Variants in KNL1 observed in about 807,000 individuals in gnomAD.
KNL1 encodes kinetochore scaffold 1.
A neutral mutation model predicts 201.3 loss-of-function variants in KNL1; 66 were observed. The ratio of observed to expected loss-of-function variants is 0.33; its 90% CI spans 0.27 to 0.40. The LOEUF is 0.40. Among genes scored for constraint, KNL1 ranks in the 10% least tolerant of loss-of-function variants. The pLI, the probability that KNL1 is intolerant of heterozygous loss-of-function variation, is 1.00. For synonymous variants in KNL1, 895 were observed against 899.2 expected (o/e 1.00, Z 0.08); for missense variants, 2,815 against 2,690.5 (o/e 1.05, Z -1.02).
At chr15:40,609,033 A>T in intron 5 of KNL1, 125 bp downstream of exon 5, 1 of 625,770 alleles carries the variant, frequency 1.6e-6, no homozygotes, top group South Asian at 1.9e-5. Flanking sequence ...TCAAAGGGTT[A>T]TTCAGTATTA....
intron 22 of KNL1, 121 bp downstream of exon 22, chr15:40,655,098 G>C (rs1272096862): frequency 1.0e-5 from 7 of 668,982 alleles, no homozygotes; most frequent in Non-Finnish European, 1.8e-5. Context: ...AGGAGTTTGA[G>C]ACCAGCCTGA....
intron 24 of KNL1, 121 bp downstream of exon 24, chr15:40,657,594 C>A: frequency 1.6e-6 from 1 of 608,716 alleles, no homozygotes; most frequent in Non-Finnish European, 3.0e-6. Flanking sequence ...TTTCTGAGGG[C>A]TGTTAGAATC....
intron 4 of KNL1, 44 bp from the exon 5 acceptor site, chr15:40,608,803 C>T (rs1456578462): frequency 7.5e-7 from 1 of 1,335,814 alleles, no homozygotes; most frequent in Non-Finnish European, 1.1e-6. Flanking sequence ...ATGTAATTCA[C>T]AGTGATTTTA....
intron 9 of KNL1, among the ~76,000 whole-genome samples, chr15:40,619,585 G>A (rs1490623971): frequency 6.6e-6 from 1 of 151,406 alleles, no homozygotes; most frequent in Non-Finnish European, 1.5e-5. Context: ...TCATTTTTTT[G>A]TAGAGACAAG....
chr15:40,623,674 A>G lies in KNL1; in HGVS notation c.3410A>G (p.Glu1137Gly), dbSNP rs1047992561. The G allele has an allele frequency of 1.5e-5, 25 of 1,613,816 alleles. No homozygotes were observed. The highest frequency in any genetic ancestry group is 2.1e-5 in the Non-Finnish European group (25 of 1,179,894). The change falls in exon 10 of 26, where the codon GAA (glutamate) becomes GGA (glycine). Residue 1137 changes from glutamate (E) to glycine (G), a missense_variant. Glu to Gly is a moderately conservative substitution (Grantham distance 98). Coordinates refer to ENST00000399668, the MANE Select transcript of KNL1 (RefSeq NM_144508.5). ...ACTAGGAGTCACACAACTGCCTTAGAATGTAAAACTCTCCTGCCAAATGAA... is the reference window on the plus strand; with the variant it reads ...ACTAGGAGTCACACAACTGCCTTAGGATGTAAAACTCTCCTGCCAAATGAA... ...EITRSHTTAL[E>G]CKTLLPNEIA...
chr15:40,662,527 G>A lies in KNL1; in HGVS notation c.*339G>A. Reference sequence around the variant, plus strand: ...GTATAAGAAGTGTTATCACTGACAAGAACATTAGCCATTTTCCCATAACTA... The same window carrying A: ...GTATAAGAAGTGTTATCACTGACAAAAACATTAGCCATTTTCCCATAACTA... On this transcript the variant is annotated 3_prime_UTR_variant, in exon 26 of 26. Coordinates refer to ENST00000399668, the MANE Select transcript of KNL1 (RefSeq NM_144508.5). 4.2e-6 allele frequency: 1 copy of A among 237,524 alleles called. No individual in the cohort carries two copies. Among genetic ancestry groups the A allele is most frequent in the Non-Finnish European group, 8.2e-6 (1 of 121,796 alleles). The allele number at this position is 237,524 out of a possible 1,614,324, so 14.7% of individuals were successfully genotyped here. A position where few individuals can be genotyped will look rare whatever the true frequency, so the allele number is the denominator to read the frequency against.
In KNL1 at chr15:40,659,364, G is replaced by C; in HGVS notation, c.6739G>C (p.Ala2247Pro). Reference protein sequence around the residue: ...NELRLLFSSSAAFAKFEITLF... With the variant: ...NELRLLFSSSPAFAKFEITLF... ...ATTGAGACTTTTATTCTCTAGCTCC[G>C]CAGCATTTGCAAAGTTTGAAATAAC... The change falls in exon 25 of 26, where the codon GCA becomes CCA. Residue 2247 changes from alanine to proline, a missense_variant. This residue lies in a region of KNL1 where 334 missense variants were observed against 362.6 expected (regional missense o/e 0.92). Coordinates refer to ENST00000399668, the MANE Select transcript of KNL1 (RefSeq NM_144508.5). 1 of 1,612,490 alleles carries C rather than the reference G, an allele frequency of 6.2e-7. No individual in the cohort carries two copies. The highest frequency in any genetic ancestry group is 8.5e-7 in the Non-Finnish European group (1 of 1,178,738).
chr15:40,645,176 G>A (rs1399429675), intron 15 of KNL1, 89 bp downstream of exon 15: 9 of 839,298 alleles, frequency 1.1e-5, no homozygotes, highest in Non-Finnish European at 1.7e-5. Flanking sequence ...CTTGGTCATA[G>A]TGATGAGTTA....
At chr15:40,599,630 G>T (rs1426653377) in intron 1 of KNL1, among the ~76,000 whole-genome samples, 1 of 151,864 alleles carries the variant, frequency 6.6e-6, no homozygotes, top group Non-Finnish European at 1.5e-5. Flanking sequence ...TGATCAGCCT[G>T]CCTCGGCTGC....
intron 16 of KNL1, among the ~76,000 whole-genome samples, chr15:40,646,177 T>G (rs1893377646): frequency 6.6e-6 from 1 of 152,194 alleles, no homozygotes; most frequent in African/African-American, 2.4e-5. Flanking sequence ...TAAAAAAACT[T>G]TCCATTGGCA....
At chr15:40,609,128 C>T (rs760204086) in intron 5 of KNL1, among the ~76,000 whole-genome samples, 9 of 151,772 alleles carry the variant, frequency 5.9e-5, no homozygotes, top group Non-Finnish European at 1.3e-4. Flanking sequence ...GTACTAGGGG[C>T]CGGGTGTGCT....
At chr15:40,608,594 A>G (rs1892051991) in intron 4 of KNL1, among the ~76,000 whole-genome samples, 1 of 151,806 alleles carries the variant, frequency 6.6e-6, no homozygotes, top group Non-Finnish European at 1.5e-5. Context: ...AAAAATACAG[A>G]ATTAGTTGGT....
intron 7 of KNL1, among the ~76,000 whole-genome samples, chr15:40,614,272 A>AT (rs1174044364): frequency 6.6e-6 from 1 of 151,358 alleles, no homozygotes; most frequent in African/African-American, 2.4e-5. Flanking sequence ...CAATTTTTGT[A>AT]TTTTTAGTAG....
rs1424112897 is a variant in KNL1, at chr15:40,664,170, A to G, written c.*1982A>G. ...TCTAAAAAAGATTTGGCTTGTAATG[A>G]CGGTCTCTGCTTTTTTGGGTTTGGA... On this transcript the variant is annotated 3_prime_UTR_variant, in exon 26 of 26. Coordinates refer to ENST00000399668, the MANE Select transcript of KNL1 (RefSeq NM_144508.5). The G allele has an allele frequency of 5.5e-6, 1 of 182,656 alleles. No homozygotes were observed. Among genetic ancestry groups the G allele is most frequent in the Non-Finnish European group, 1.2e-5 (1 of 85,840 alleles). 11.3% of individuals were successfully genotyped at this position (182,656 alleles called of 1,614,324 possible).
intron 7 of KNL1, among the ~76,000 whole-genome samples, chr15:40,613,027 C>T (rs1003394901): frequency 1.4e-4 from 22 of 152,222 alleles, no homozygotes; most frequent in African/African-American, 5.1e-4. Context: ...TTATTCACAG[C>T]AGCGTTTATT....
intron 13 of KNL1, among the ~76,000 whole-genome samples, chr15:40,634,838 G>A (rs1028381306): frequency 2.6e-5 from 4 of 152,180 alleles, no homozygotes; most frequent in Admixed American, 2.6e-4. Context: ...ACAAATTGAT[G>A]TTATGAATCT....
intron 4 of KNL1, among the ~76,000 whole-genome samples, chr15:40,608,066 A>C (rs759229665): frequency 1.3e-4 from 20 of 152,224 alleles, no homozygotes; most frequent in Non-Finnish European, 2.6e-4. Flanking sequence ...TTGATGGATG[A>C]ATGGATAAAC....
intron 8 of KNL1, among the ~76,000 whole-genome samples, chr15:40,616,889 A>T (rs1892360707): frequency 1.3e-5 from 2 of 152,164 alleles, no homozygotes; most frequent in African/African-American, 4.8e-5. Flanking sequence ...CCCATGATGA[A>T]TTATTTGCAG....
At chr15:40,634,067 GTGTT>G (rs1892988633) in intron 13 of KNL1, among the ~76,000 whole-genome samples, 1 of 152,034 alleles carries the variant, frequency 6.6e-6, no homozygotes, top group Non-Finnish European at 1.5e-5. Flanking sequence ...GCTAATGTGT[GTGTT>G]TGTATTTTAG....
Sources: gnomAD v4.1 joint callset for allele counts (sites outside exome capture counted in the v4.1 genomes callset) on GRCh38, gnomAD v4.1.1 for gene constraint, gnomAD v4.1.1 regional missense constraint, MANE v1.5 for transcripts, NCBI Gene and HGNC (gene_info 2026-07-23, HGNC 2026-07-21) for gene names.